Variants in BTBD9 observed in about 807,000 individuals in gnomAD.
The protein encoded by BTBD9 is BTB/POZ domain-containing protein 9.
In BTBD9, 49 loss-of-function variants were observed where a neutral mutation model predicts 64.3. The ratio of observed to expected loss-of-function variants is 0.76; its 90% CI spans 0.61 to 0.97. The LOEUF is 0.97. Among genes scored for constraint, BTBD9 ranks in the 50% least tolerant of loss-of-function variants. The probability of loss-of-function intolerance (pLI) is 0.00; values close to 1 mark genes in which losing one functional copy is unlikely to be tolerated. For synonymous variants in BTBD9, 260 were observed against 274.7 expected, an observed-to-expected ratio of 0.95 and a Z score of 0.53; for missense variants, 598 against 762.1, an observed-to-expected ratio of 0.78 and a Z score of 2.53.
At chr6:38,339,335 A>G (rs978807722) in intron 7 of BTBD9, among the ~76,000 whole-genome samples, 4 of 152,274 alleles carry the variant, frequency 2.6e-5, no homozygotes, top group Admixed American at 1.3e-4. Flanking sequence ...TAGCTCCAAA[A>G]TAAGTGTTGT....
intron 6 of BTBD9, among the ~76,000 whole-genome samples, chr6:38,544,328 T>G (rs548601568): frequency 1.3e-5 from 2 of 152,176 alleles, no homozygotes; most frequent in East Asian, 3.9e-4. Context: ...CCATGGATAC[T>G]GAGAGACAAC....
intron 6 of BTBD9, among the ~76,000 whole-genome samples, chr6:38,429,665 A>G (rs1768351502): frequency 6.6e-6 from 1 of 151,918 alleles, no homozygotes; most frequent in African/African-American, 2.4e-5. Context: ...CCCTAAAGGA[A>G]AATCTATTTC....
chr6:38,616,668 C>T (rs1369238478), intron 1 of BTBD9, among the ~76,000 whole-genome samples: 5 of 151,854 alleles, frequency 3.3e-5, no homozygotes, highest in Admixed American at 1.3e-4. Context: ...TAGCCAATCG[C>T]GGGGAGGACT....
At chr6:38,576,342 C>T (rs1489122569) in intron 6 of BTBD9, among the ~76,000 whole-genome samples, 2 of 150,462 alleles carry the variant, frequency 1.3e-5, no homozygotes, top group African/African-American at 4.9e-5. Flanking sequence ...AAAGAGCAAC[C>T]GCTAGACCTG....
intron 8 of BTBD9, among the ~76,000 whole-genome samples, chr6:38,265,781 C>T (rs946691201): frequency 1.3e-5 from 2 of 152,152 alleles, no homozygotes; most frequent in African/African-American, 2.4e-5. Flanking sequence ...CAGCCTCCCA[C>T]AGTGCTGGGC....
chr6:38,626,215 G>T (rs1216587723), intron 1 of BTBD9, among the ~76,000 whole-genome samples: 1 of 152,180 alleles, frequency 6.6e-6, no homozygotes, highest in African/African-American at 2.4e-5. Context: ...TGGGGTACAT[G>T]AGATGTTTTG....
At chr6:38,454,012 A>G (rs1769677533) in intron 6 of BTBD9, among the ~76,000 whole-genome samples, 1 of 152,210 alleles carries the variant, frequency 6.6e-6, no homozygotes, top group Non-Finnish European at 1.5e-5. Context: ...TAATAGAAAA[A>G]TAAATGCTAG....
chr6:38,607,671 C>T (rs1005248828), intron 1 of BTBD9, among the ~76,000 whole-genome samples: 3 of 151,526 alleles, frequency 2.0e-5, no homozygotes, highest in Admixed American at 1.3e-4. Flanking sequence ...ATGAAATGCT[C>T]CAGGCTCACT....
At chr6:38,445,443 C>G (rs759808474) in intron 6 of BTBD9, among the ~76,000 whole-genome samples, 2 of 152,148 alleles carry the variant, frequency 1.3e-5, no homozygotes, top group Non-Finnish European at 2.9e-5. Context: ...AGTGACCAAC[C>G]AACCAGTGGT....
At chr6:38,407,511 G>A (rs1199093027) in intron 6 of BTBD9, among the ~76,000 whole-genome samples, 1 of 152,106 alleles carries the variant, frequency 6.6e-6, no homozygotes, top group East Asian at 1.9e-4. Context: ...TTCTTCCTGT[G>A]TGCAACCTGC....
At chr6:38,272,816 T>A (rs1765239436) in intron 8 of BTBD9, among the ~76,000 whole-genome samples, 1 of 152,162 alleles carries the variant, frequency 6.6e-6, no homozygotes, top group Admixed American at 6.6e-5. Context: ...CTCTTTATTA[T>A]CTTTTAACCT....
intron 6 of BTBD9, among the ~76,000 whole-genome samples, chr6:38,450,701 G>C (rs1011080674): frequency 1.3e-5 from 2 of 152,076 alleles, no homozygotes; most frequent in Non-Finnish European, 2.9e-5. Context: ...AAGACAAACT[G>C]AATTAACCAT....
intron 9 of BTBD9, among the ~76,000 whole-genome samples, chr6:38,238,464 A>C (rs1763867760): frequency 7.1e-6 from 1 of 140,558 alleles, no homozygotes; most frequent in Non-Finnish European, 1.5e-5. Context: ...TGTTGCGGAG[A>C]CCAAGGTTTT....
chr6:38,466,623 G>T (rs1019573726), intron 6 of BTBD9, among the ~76,000 whole-genome samples: 3 of 152,076 alleles, frequency 2.0e-5, no homozygotes, highest in African/African-American at 7.2e-5. Flanking sequence ...GGCAAAGCAG[G>T]TTTTTTGTGA....
intron 9 of BTBD9, among the ~76,000 whole-genome samples, chr6:38,221,015 GTT>G (rs977737310): frequency 1.3e-5 from 2 of 152,164 alleles, no homozygotes; most frequent in Admixed American, 1.3e-4. Context: ...CTCAACCAGG[GTT>G]ACGAGCAGAT....
intron 4 of BTBD9, chr6:38,587,757 T>G (rs979566056): frequency 2.0e-4 from 137 of 698,170 alleles, no homozygotes; most frequent in Non-Finnish European, 3.6e-4. Flanking sequence ...CTGTGAATGG[T>G]AGGGAAGAAA....
In BTBD9 at chr6:38,565,165, C is replaced by T. The variant is rs193123611; in HGVS notation, c.1154+12435G>A. On this transcript the variant is annotated intron_variant, in intron 6 of 10. Transcript: ENST00000481247. ...ACTGTCTTTCACAGCTATTTCCTTT[C>T]ACCCTTTTAATGAAAGATATTCTAA... is the stretch of plus-strand genomic sequence containing the variant. Among the ~76,000 whole-genome samples the T allele has an allele frequency of 4.0e-3, 604 of 152,274 alleles. 4 individuals are homozygous for T. The highest frequency in any genetic ancestry group is 7.1e-3 in the African/African-American group (294 of 41,560).
chr6:38,461,139 G>T (rs575546003), intron 6 of BTBD9, among the ~76,000 whole-genome samples: 1 of 152,312 alleles, frequency 6.6e-6, no homozygotes, highest in African/African-American at 2.4e-5. Context: ...CCTTCTTAAG[G>T]AGAGTGAAGC....
chr6:38,233,084 A>C (rs1006272740), intron 9 of BTBD9, among the ~76,000 whole-genome samples: 4 of 152,180 alleles, frequency 2.6e-5, no homozygotes, highest in African/African-American at 9.7e-5. Flanking sequence ...CAGGATAGTG[A>C]GCAAGAATTT....
Sources: allele counts gnomAD v4.1 joint callset (sites outside exome capture counted in the v4.1 genomes callset), GRCh38; gene constraint gnomAD v4.1.1; transcripts MANE v1.5; gene names NCBI Gene and HGNC (gene_info 2026-07-23, HGNC 2026-07-21).